Variants in KIAA0825 observed in about 807,000 individuals in gnomAD.
The protein encoded by KIAA0825 is KIAA0825.
A neutral mutation model predicts 147.6 loss-of-function variants in KIAA0825; 119 were observed. That is an observed-to-expected ratio of 0.81 (90% CI 0.69 to 0.94). KIAA0825 has a LOEUF of 0.94. Among genes scored for constraint, KIAA0825 ranks in the 40% least tolerant of loss-of-function variants. The pLI is 0.00. For missense variants in KIAA0825, 1,381 were observed against 1,472.7 expected (o/e 0.94, Z 1.02); for synonymous variants, 470 against 518.1 (o/e 0.91, Z 1.26).
At chr5:94,270,443 C>A (rs945568127) in intron 20 of KIAA0825, among the ~76,000 whole-genome samples, 22 of 151,906 alleles carry the variant, frequency 1.4e-4, no homozygotes, top group Admixed American at 1.3e-3. Flanking sequence ...AAAGAACAAA[C>A]ATGAAGGTTC....
At chr5:94,561,802 C>T (rs935612521) in intron 2 of KIAA0825, among the ~76,000 whole-genome samples, 2 of 152,038 alleles carry the variant, frequency 1.3e-5, no homozygotes, top group African/African-American at 4.8e-5. Flanking sequence ...CTTGAAATAG[C>T]CTTCTAGTCA....
chr5:94,521,839 A>G (rs936774459), intron 4 of KIAA0825, among the ~76,000 whole-genome samples: 1 of 151,744 alleles, frequency 6.6e-6, no homozygotes. Flanking sequence ...AGCTGATTAC[A>G]AGAGAAATGA....
rs748765116 is a variant in KIAA0825 at position 94,291,990 on chromosome 5, A to G, written c.3710+92378T>C. ...TCCTGAAACTGTGCTGAAGTTGCTT[A>G]TCAGCTTAAGGAGATTTTGGGCTGA... On this transcript the variant is annotated intron_variant, in intron 20 of 20. Coordinates refer to ENST00000682413, the MANE Select transcript of KIAA0825 (RefSeq NM_001145678.3). Among the ~76,000 whole-genome samples the G allele has an allele frequency of 5.9e-5, 9 of 152,340 alleles. No individual in the cohort carries two copies. The South Asian group carries it at 1.9e-3, about 32-fold the overall frequency.
intron 11 of KIAA0825, 60 bp from the exon 12 acceptor site, chr5:94,462,629 C>A: frequency 1.1e-6 from 1 of 945,788 alleles, no homozygotes; most frequent in Non-Finnish European, 1.5e-6. Flanking sequence ...GCTTGGTAGG[C>A]ACTTTCATTC....
intron 2 of KIAA0825, among the ~76,000 whole-genome samples, chr5:94,548,846 T>C (rs1004248798): frequency 6.6e-6 from 1 of 152,136 alleles, no homozygotes; most frequent in Admixed American, 6.5e-5. Flanking sequence ...GTCATTATAT[T>C]ATGATAAAGG....
chr5:94,250,749 C>T (rs1006157536), intron 20 of KIAA0825, among the ~76,000 whole-genome samples: 2 of 152,062 alleles, frequency 1.3e-5, no homozygotes, highest in Non-Finnish European at 2.9e-5. Flanking sequence ...TTGGTGGTTT[C>T]ATAATTTATA....
intron 20 of KIAA0825, among the ~76,000 whole-genome samples, chr5:94,169,790 A>G (rs1200518820): frequency 1.3e-5 from 2 of 152,122 alleles, no homozygotes; most frequent in African/African-American, 4.8e-5. Flanking sequence ...ATAACAGCTA[A>G]TACTTATTTA....
At chr5:94,320,990 T>C (rs950974744) in intron 20 of KIAA0825, among the ~76,000 whole-genome samples, 6 of 152,088 alleles carry the variant, frequency 3.9e-5, no homozygotes, top group Non-Finnish European at 1.5e-5. Flanking sequence ...ACAAATTCTT[T>C]ACTCTTATAT....
intron 20 of KIAA0825, 33 bp downstream of exon 20, chr5:94,384,335 C>G (rs1244856361): frequency 6.2e-5 from 93 of 1,502,692 alleles, no homozygotes; most frequent in Non-Finnish European, 8.3e-5. Flanking sequence ...CCTTGTCCCT[C>G]AACCAGACCC....
chr5:94,570,494 C>G (rs1448275363), intron 2 of KIAA0825: 1 of 152,364 alleles, frequency 6.6e-6, no homozygotes, highest in Non-Finnish European at 1.5e-5. Flanking sequence ...AATATTTCAC[C>G]CATTAAGCCA....
chr5:94,196,470 T>TTG (rs1179565377), intron 20 of KIAA0825, among the ~76,000 whole-genome samples: 1 of 152,190 alleles, frequency 6.6e-6, no homozygotes, highest in Non-Finnish European at 1.5e-5. Flanking sequence ...TTTTTTTTTT[T>TTG]TAACTTTATT....
At chr5:94,242,209 A>G (rs1775381240) in intron 20 of KIAA0825, among the ~76,000 whole-genome samples, 1 of 152,154 alleles carries the variant, frequency 6.6e-6, no homozygotes, top group South Asian at 2.1e-4. Context: ...TTCAGATTCA[A>G]CTTGTCCCCA....
At position 94,232,569 on chromosome 5, in the gene KIAA0825, T is replaced by C. The variant is rs1353789945; in HGVS notation, c.3711-78445A>G. Among the ~76,000 whole-genome samples, 5 of 152,142 alleles carry C rather than the reference T, an allele frequency of 3.3e-5. No individual in the cohort carries two copies. The East Asian group carries it at 7.7e-4, about 23-fold the overall frequency. ...AGGGATTTTAATTTAATATGATAGA[T>C]TCAACTGTTGTTTTTCAGGTTTTAT... is the stretch of plus-strand genomic sequence containing the variant. On this transcript the variant is annotated intron_variant, in intron 20 of 20. Coordinates refer to ENST00000682413, the MANE Select transcript of KIAA0825 (RefSeq NM_001145678.3).
At chr5:94,484,643 C>T (rs138899245) in intron 6 of KIAA0825, 126 bp downstream of exon 6, 8 of 584,890 alleles carry the variant, frequency 1.4e-5, no homozygotes, top group African/African-American at 1.1e-4. Context: ...TGCATTATAC[C>T]AAATGCTTAT....
At chr5:94,594,828 C>A in intron 1 of KIAA0825, 3 of 392,224 alleles carry the variant, frequency 7.6e-6, no homozygotes, top group Non-Finnish European at 1.5e-5. Context: ...TATCATGTGT[C>A]ACATTTGGAC....
At chr5:94,194,409 T>A (rs1315256419) in intron 20 of KIAA0825, among the ~76,000 whole-genome samples, 5 of 152,152 alleles carry the variant, frequency 3.3e-5, no homozygotes, top group African/African-American at 1.2e-4. Context: ...TCACTGAGTT[T>A]AACTATCACC....
intron 20 of KIAA0825, among the ~76,000 whole-genome samples, chr5:94,292,020 A>T (rs1777921148): frequency 6.6e-6 from 1 of 152,166 alleles, no homozygotes. Flanking sequence ...GGCTGAGACG[A>T]TGGGGTGTTC....
At position 94,359,137 on chromosome 5, in the gene KIAA0825, G is replaced by T. The variant is rs572051634; in HGVS notation, c.3710+25231C>A. Reference sequence around the variant, plus strand: ...TCATTTGAACAAATTTTCAAATTGTGATATAAATGATTTCAATCCTGGCTG... The same window carrying T: ...TCATTTGAACAAATTTTCAAATTGTTATATAAATGATTTCAATCCTGGCTG... On this transcript the variant is annotated intron_variant, in intron 20 of 20. Coordinates refer to ENST00000682413, the MANE Select transcript of KIAA0825 (RefSeq NM_001145678.3). Among the ~76,000 whole-genome samples the T allele has an allele frequency of 1.2e-4, 19 of 152,196 alleles. No homozygotes were observed. The South Asian group carries it at 3.9e-3, about 32-fold the overall frequency.
intron 20 of KIAA0825, among the ~76,000 whole-genome samples, chr5:94,243,102 C>A (rs2150107805): frequency 6.6e-6 from 1 of 152,296 alleles, no homozygotes; most frequent in Non-Finnish European, 1.5e-5. Context: ...TCCTCTAAGA[C>A]CTGAGATATT....
Sources: gnomAD v4.1 joint callset for allele counts (sites outside exome capture counted in the v4.1 genomes callset) on GRCh38, gnomAD v4.1.1 for gene constraint, MANE v1.5 for transcripts, NCBI Gene and HGNC (gene_info 2026-07-23, HGNC 2026-07-21) for gene names.